The following APBA2 variants were observed in gnomAD, a reference collection of about 807,000 sequenced individuals.
APBA2 encodes the protein amyloid beta precursor protein binding family A member 2, also known as amyloid-beta A4 precursor protein-binding family A member 2.
APBA2 carries 30 observed loss-of-function variants against 75.0 expected under a neutral mutation model. The observed-to-expected ratio is 0.40, with a 90% CI of 0.30 to 0.54. The LOEUF is 0.54. Among genes scored for constraint, APBA2 ranks in the 20% least tolerant of loss-of-function variants. APBA2 has a pLI of 0.49. For synonymous variants in APBA2, 444 were observed against 409.6 expected (o/e 1.08, Z -1.01); for missense variants, 801 against 1,016.1 (o/e 0.79, Z 2.88).
Position 28,901,908 on chromosome 15 carries a change from ATGTGTG to A in APBA2, c.-205+15658_-205+15663del, listed in dbSNP as rs766260051. 3.4e-3 allele frequency among the ~76,000 whole-genome samples: 228 copies of A among 67,410 alleles called. 1 individual carries two copies. The highest frequency in any genetic ancestry group is 5.2e-3 in the Non-Finnish European group (190 of 36,538). The allele number at this position is 67,410 out of a possible 152,430, so 44.2% of individuals were successfully genotyped here. ...GGACCCTGCCCTCGGGGAGCTTTTG[ATGTGTG>A]TGTGTGTGTGTGTGTGTGTGTGTGT... On this transcript the variant is annotated intron_variant, in intron 1 of 14. Transcript: ENST00000683413.
chr15:29,019,234 G>T, intron 3 of APBA2, among the ~76,000 whole-genome samples: 1 of 152,196 alleles, frequency 6.6e-6, no homozygotes, highest in East Asian at 1.9e-4. Flanking sequence ...CTCCTGTTCT[G>T]TGGGGCTGGG....
chr15:28,893,218 C>T lies in APBA2; in HGVS notation c.-205+6940C>T, dbSNP rs144075750. On this transcript the variant is annotated intron_variant, in intron 1 of 14. Coordinates refer to ENST00000683413, the MANE Select transcript of APBA2 (RefSeq NM_001353788.2). ...GGCACGTGGAGATCTGTGTCCCATT[C>T]CTCACCAGCCACTGAGTTACTATGG... 8.9e-3 allele frequency among the ~76,000 whole-genome samples: 1,350 copies of T among 152,298 alleles called. 4 individuals are homozygous for T. Among genetic ancestry groups the T allele is most frequent in the Admixed American group, 0.014 (216 of 15,302 alleles).
chr15:28,901,292 CA>C (rs1158945437), intron 1 of APBA2, among the ~76,000 whole-genome samples: 2 of 152,176 alleles, frequency 1.3e-5, no homozygotes, highest in African/African-American at 4.8e-5. Context: ...CCCCTACCCC[CA>C]GCCCCCACCC....
intron 1 of APBA2, among the ~76,000 whole-genome samples, chr15:28,910,548 G>A (rs1276955398): frequency 6.6e-6 from 1 of 152,178 alleles, no homozygotes; most frequent in Non-Finnish European, 1.5e-5. Flanking sequence ...CCATGGAGGG[G>A]GTGGTGAAGG....
At chr15:28,947,861 T>G (rs77156739) in intron 2 of APBA2, among the ~76,000 whole-genome samples, 2,894 of 152,140 alleles carry the variant, frequency 0.019, 45 homozygotes, top group Non-Finnish European at 0.028. Flanking sequence ...GAAGTGGAAA[T>G]TTTCAAAACT....
intron 9 of APBA2, among the ~76,000 whole-genome samples, chr15:29,100,477 T>A (rs1392751680): frequency 6.6e-6 from 1 of 152,228 alleles, no homozygotes; most frequent in Non-Finnish European, 1.5e-5. Flanking sequence ...AGTTGATTAG[T>A]TTTTTTGAGC....
chr15:29,095,706 GAGT>G, intron 8 of APBA2, among the ~76,000 whole-genome samples: 1 of 152,234 alleles, frequency 6.6e-6, no homozygotes, highest in East Asian at 1.9e-4. Context: ...CCCTCTTCTG[GAGT>G]GAGACTTTGG....
At position 28,980,429 on chromosome 15, in the gene APBA2, A is replaced by G. The variant is rs376527911; in HGVS notation, c.-94-15324A>G. Among the ~76,000 whole-genome samples the G allele has an allele frequency of 5.6e-4, 85 of 152,318 alleles. 1 individual carries two copies. Among genetic ancestry groups the G allele is most frequent in the African/African-American group, 1.9e-3 (81 of 41,580 alleles). On this transcript the variant is annotated intron_variant, in intron 2 of 14. Transcript: ENST00000683413. ...GTAGAAAAGTCAGTAGCATTTCTCT[A>G]CACCAATAATGTTCAAGCTGAGAGC...
At chr15:29,002,395 G>A (rs2038895323) in intron 3 of APBA2, among the ~76,000 whole-genome samples, 1 of 152,142 alleles carries the variant, frequency 6.6e-6, no homozygotes, top group African/African-American at 2.4e-5. Flanking sequence ...CCTTTCTTGG[G>A]CAAATCGCTT....
At chr15:29,060,943 C>T (rs1450470034) in intron 4 of APBA2, among the ~76,000 whole-genome samples, 11 of 152,162 alleles carry the variant, frequency 7.2e-5, no homozygotes, top group African/African-American at 2.7e-4. Flanking sequence ...CAGCTGGGCA[C>T]TGGTACCTGG....
Position 29,106,793 on chromosome 15 carries a change from C to G in APBA2, c.1891C>G (p.Leu631Val). The change falls in exon 12 of 15, where the codon CTC becomes GTC. Residue 631 changes from leucine (L) to valine (V), a missense_variant. Leu to Val is a conservative substitution (Grantham distance 32). Transcript: ENST00000683413. ...INGTSLVGLP[L>V]ATCQGIIKGL... ...TGGCACCAGCCTGGTGGGGCTGCCC[C>G]TCGCCACCTGCCAAGGCATCATCAA... is the stretch of plus-strand genomic sequence containing the variant. 2 of 1,612,936 alleles carry G rather than the reference C, an allele frequency of 1.2e-6. No individual in the cohort carries two copies. Among genetic ancestry groups the G allele is most frequent in the Non-Finnish European group, 1.7e-6 (2 of 1,179,888 alleles).
At chr15:29,080,659 C>G (rs1213565175) in intron 6 of APBA2, among the ~76,000 whole-genome samples, 3 of 152,212 alleles carry the variant, frequency 2.0e-5, no homozygotes, top group Non-Finnish European at 4.4e-5. Context: ...GATGTCCCCT[C>G]CTACAGGACG....
At chr15:29,075,091 AT>A in intron 5 of APBA2, 90 bp downstream of exon 5, 1 of 995,652 alleles carries the variant, frequency 1.0e-6, no homozygotes, top group South Asian at 1.4e-5. Flanking sequence ...CACTTTGTCC[AT>A]GATGTTCTCA....
chr15:28,986,825 G>T (rs2037952643), intron 2 of APBA2, among the ~76,000 whole-genome samples: 1 of 152,094 alleles, frequency 6.6e-6, no homozygotes, highest in Admixed American at 6.6e-5. Context: ...AGTCTGTTTA[G>T]GTTACTGTAA....
At chr15:29,108,588 A>G in intron 13 of APBA2, 199 bp downstream of exon 13, 1 of 790,290 alleles carries the variant, frequency 1.3e-6, no homozygotes, top group Non-Finnish European at 2.0e-6. Context: ...GGGGAGGGCC[A>G]GGGCATGGCC....
At chr15:28,958,218 A>G (rs1210768532) in intron 2 of APBA2, among the ~76,000 whole-genome samples, 1 of 152,244 alleles carries the variant, frequency 6.6e-6, no homozygotes, top group Non-Finnish European at 1.5e-5. Flanking sequence ...TCCTTTCTCC[A>G]GTCACATCGG....
intron 8 of APBA2, among the ~76,000 whole-genome samples, chr15:29,095,290 A>G (rs2043796984): frequency 6.6e-6 from 1 of 152,104 alleles, no homozygotes; most frequent in South Asian, 2.1e-4. Context: ...TTAGCCAGGC[A>G]TGGTGGTACA....
intron 6 of APBA2, among the ~76,000 whole-genome samples, chr15:29,090,491 G>T (rs2043507873): frequency 6.6e-6 from 1 of 152,224 alleles, no homozygotes; most frequent in South Asian, 2.1e-4. Flanking sequence ...AAGCCAAGGG[G>T]CAGTGCCTAG....
Position 28,908,315 on chromosome 15 carries a change from G to GTTTTT in APBA2, c.-204-13316_-204-13312dup, listed in dbSNP as rs765084356. Among the ~76,000 whole-genome samples, 3 of 137,596 alleles carry GTTTTT rather than the reference G, an allele frequency of 2.2e-5. No homozygotes were observed. The South Asian group carries it at 6.6e-4, about 30-fold the overall frequency. 90.3% of individuals were successfully genotyped at this position (137,596 alleles called of 152,430 possible). A position where few individuals can be genotyped will look rare whatever the true frequency, so the allele number is the denominator to read the frequency against. On this transcript the variant is annotated intron_variant, in intron 1 of 14. Transcript: ENST00000683413. ...TTGTTTTTGTTTGTTTTGTTTTCTT[G>GTTTTT]TTTTTTTTTTTTTGAGACAGAGTCT...
Sources: allele counts gnomAD v4.1 joint callset (sites outside exome capture counted in the v4.1 genomes callset), GRCh38; gene constraint gnomAD v4.1.1; transcripts MANE v1.5; gene names NCBI Gene and HGNC (gene_info 2026-07-23, HGNC 2026-07-21).